PPP3R1: variants seen among roughly 807,000 people sequenced by gnomAD.
PPP3R1 encodes the protein calcineurin subunit B type 1.
Under a neutral mutation model 22.6 loss-of-function variants are expected in PPP3R1, and 5 were observed. That is an observed-to-expected ratio of 0.22 (90% CI 0.12 to 0.46). The LOEUF (loss-of-function observed/expected upper bound fraction) is 0.46, where lower values mean the gene tolerates loss of function less well. PPP3R1 is among the 20% of genes least tolerant of loss of function. The pLI, the probability that PPP3R1 is intolerant of heterozygous loss-of-function variation, is 0.99. For synonymous variants in PPP3R1, 56 were observed against 65.2 expected, an observed-to-expected ratio of 0.86 and a Z score of 0.68; for missense variants, 61 against 203.2, an observed-to-expected ratio of 0.30 and a Z score of 4.25.
Position 68,179,321 on chromosome 2 carries a change from A to G in PPP3R1, c.*1642T>C, listed in dbSNP as rs1356676897. On this transcript the variant is annotated 3_prime_UTR_variant, in exon 6 of 6. Transcript: ENST00000234310. The stretch of plus-strand genomic sequence containing the variant: ...ACATTAACATTTCCAAAGTTTGGCA[A>G]CATTATCTTTTAAAATTATGCAAAT... 2 of 152,608 alleles carry G rather than the reference A, an allele frequency of 1.3e-5. No individual in the cohort carries two copies. The highest frequency in any genetic ancestry group is 2.9e-5 in the Non-Finnish European group (2 of 68,036). The allele number at this position is 152,608 out of a possible 1,614,324, so 9.5% of individuals were successfully genotyped here.
chr2:68,242,850 G>A (rs1488546226), intron 1 of PPP3R1, among the ~76,000 whole-genome samples: 1 of 152,196 alleles, frequency 6.6e-6, no homozygotes, highest in Non-Finnish European at 1.5e-5. Context: ...AATGGATAGC[G>A]CTAGTAAGGG....
intron 1 of PPP3R1, among the ~76,000 whole-genome samples, chr2:68,225,247 T>C (rs1421739314): frequency 1.3e-5 from 2 of 152,214 alleles, no homozygotes; most frequent in South Asian, 2.1e-4. Context: ...TTTATCCAGG[T>C]GGCCCTGACC....
At chr2:68,197,219 C>T (rs2103736309) in intron 2 of PPP3R1, among the ~76,000 whole-genome samples, 1 of 152,244 alleles carries the variant, frequency 6.6e-6, no homozygotes, top group Non-Finnish European at 1.5e-5. Flanking sequence ...CCTTTTCTTA[C>T]CACCCTAGGC....
intron 2 of PPP3R1, among the ~76,000 whole-genome samples, chr2:68,197,180 C>T (rs528948190): frequency 6.6e-6 from 1 of 152,290 alleles, no homozygotes; most frequent in East Asian, 1.9e-4. Flanking sequence ...CCCCTAAACA[C>T]TCCCTTGAGC....
At chr2:68,190,433 CA>C (rs1384445167) in intron 2 of PPP3R1, among the ~76,000 whole-genome samples, 1 of 151,814 alleles carries the variant, frequency 6.6e-6, no homozygotes, top group Non-Finnish European at 1.5e-5. Flanking sequence ...GGAGTGATGG[CA>C]GGGCGCCTGT....
chr2:68,209,175 G>A (rs1312254573), intron 2 of PPP3R1, among the ~76,000 whole-genome samples: 3 of 148,998 alleles, frequency 2.0e-5, no homozygotes, highest in South Asian at 2.1e-4. Flanking sequence ...CGGCTAAAAC[G>A]GTGAAACCCC....
chr2:68,217,241 A>G (rs879763487), intron 1 of PPP3R1, 110 bp from the exon 2 acceptor site: 6 of 647,560 alleles, frequency 9.3e-6, no homozygotes, highest in Admixed American at 8.6e-5. Context: ...CCATAAACTA[A>G]TAATATGACC....
At chr2:68,215,659 T>C (rs1326470729) in intron 2 of PPP3R1, among the ~76,000 whole-genome samples, 1 of 152,190 alleles carries the variant, frequency 6.6e-6, no homozygotes, top group Non-Finnish European at 1.5e-5. Flanking sequence ...GCAGAAAGTT[T>C]GAATAGTATT....
chr2:68,209,724 C>T (rs1669439983), intron 2 of PPP3R1, among the ~76,000 whole-genome samples: 1 of 152,112 alleles, frequency 6.6e-6, no homozygotes, highest in African/African-American at 2.4e-5. Context: ...TGCTACTGCA[C>T]TCCAGCCTGG....
chr2:68,204,265 C>T (rs573098833), intron 2 of PPP3R1, among the ~76,000 whole-genome samples: 3 of 151,620 alleles, frequency 2.0e-5, no homozygotes, highest in Non-Finnish European at 2.9e-5. Flanking sequence ...AAAGTCACAA[C>T]GGCCTAGAAT....
intron 1 of PPP3R1, among the ~76,000 whole-genome samples, chr2:68,239,503 G>C (rs1157760013): frequency 6.6e-6 from 1 of 152,162 alleles, no homozygotes; most frequent in Non-Finnish European, 1.5e-5. Flanking sequence ...TCAACATGAA[G>C]ATAAATGAAT....
intron 1 of PPP3R1, among the ~76,000 whole-genome samples, chr2:68,220,678 T>C (rs912758779): frequency 1.3e-5 from 2 of 152,224 alleles, no homozygotes; most frequent in Non-Finnish European, 2.9e-5. Flanking sequence ...AATGTATGTA[T>C]GACATCCAAT....
chr2:68,202,820 T>TTTTTTTG, intron 2 of PPP3R1, among the ~76,000 whole-genome samples: 1 of 92,960 alleles, frequency 1.1e-5, no homozygotes, highest in Non-Finnish European at 2.1e-5. Context: ...TTTTTTTTTT[T>TTTTTTTG]GAGACGGAGT....
intron 5 of PPP3R1, among the ~76,000 whole-genome samples, chr2:68,185,684 A>G (rs1338476608): frequency 1.3e-5 from 2 of 152,090 alleles, no homozygotes; most frequent in African/African-American, 4.8e-5. Context: ...GCCAGTTCAC[A>G]GTGACCCTTG....
At chr2:68,187,032 G>C (rs1335537424) in intron 4 of PPP3R1, among the ~76,000 whole-genome samples, 1 of 152,184 alleles carries the variant, frequency 6.6e-6, no homozygotes, top group Admixed American at 6.5e-5. Context: ...TCAGCAGAAA[G>C]AAACTGTTTT....
chr2:68,182,070 A>AACCCCCCCCCCCC (rs1674417340), intron 5 of PPP3R1, among the ~76,000 whole-genome samples: 1 of 45,174 alleles, frequency 2.2e-5, no homozygotes, highest in Non-Finnish European at 3.7e-5. Flanking sequence ...CCCCTCCTCC[A>AACCCCCCCCCCCC]ACCCCCCCCT....
At chr2:68,229,926 A>G (rs887752256) in intron 1 of PPP3R1, among the ~76,000 whole-genome samples, 5 of 149,080 alleles carry the variant, frequency 3.4e-5, no homozygotes, top group African/African-American at 1.3e-4. Context: ...GTGTATATAT[A>G]TGTGTGTGTA....
intron 1 of PPP3R1, among the ~76,000 whole-genome samples, chr2:68,219,764 T>C (rs905237229): frequency 1.3e-5 from 2 of 152,186 alleles, no homozygotes; most frequent in Admixed American, 6.5e-5. Context: ...ACCACTCAAC[T>C]AAACAAAACC....
chr2:68,212,615 A>G (rs1403450885), intron 2 of PPP3R1, among the ~76,000 whole-genome samples: 1 of 152,226 alleles, frequency 6.6e-6, no homozygotes, highest in South Asian at 2.1e-4. Flanking sequence ...ATGAGCAACA[A>G]TATTTTGAAA....
Sources: gnomAD v4.1 joint callset for allele counts (sites outside exome capture counted in the v4.1 genomes callset) on GRCh38, gnomAD v4.1.1 for gene constraint, MANE v1.5 for transcripts, NCBI Gene and HGNC (gene_info 2026-07-23, HGNC 2026-07-21) for gene names.